The following PPP1R37 variants were observed in gnomAD, a reference collection of about 807,000 sequenced individuals.
The protein encoded by PPP1R37 is protein phosphatase 1 regulatory subunit 37, also known as leucine rich repeat containing 68.
Under a neutral mutation model 61.0 loss-of-function variants are expected in PPP1R37, and 21 were observed. That is an observed-to-expected ratio of 0.34 (90% CI 0.24 to 0.50). PPP1R37 has a LOEUF of 0.50. Among genes scored for constraint, PPP1R37 ranks in the 20% least tolerant of loss-of-function variants. PPP1R37 has a pLI of 0.98. For synonymous variants in PPP1R37, 443 were observed against 433.5 expected, an observed-to-expected ratio of 1.02 and a Z score of -0.27; for missense variants, 910 against 952.7, an observed-to-expected ratio of 0.96 and a Z score of 0.59.
In PPP1R37 at chr19:45,130,573, C is replaced by T. The variant is rs1222000474; in HGVS notation, c.203-7941C>T. On this transcript the variant is annotated intron_variant, in intron 1 of 12. Coordinates refer to ENST00000221462, the MANE Select transcript of PPP1R37 (RefSeq NM_019121.2). The surrounding 1 kb of genome is among the most constrained non-coding windows in gnomAD (Gnocchi z 4.4). ...CTGAGCCCGGTGGGGCCTCTGGGAA[C>T]ACTCCTTTCAAGGCCAGCTCACCCT... Among the ~76,000 whole-genome samples the T allele has an allele frequency of 1.3e-5, 2 of 152,184 alleles. No homozygotes were observed. Among genetic ancestry groups the T allele is most frequent in the Non-Finnish European group, 2.9e-5 (2 of 68,024 alleles).
chr19:45,143,714 A>G, intron 8 of PPP1R37, 81 bp downstream of exon 8: 1 of 778,166 alleles, frequency 1.3e-6, no homozygotes, highest in Non-Finnish European at 2.1e-6. Context: ...AGTTGCCTCT[A>G]GCTGACGGCT....
chr19:45,131,750 A>G (rs1024236102), intron 1 of PPP1R37, among the ~76,000 whole-genome samples: 3 of 152,180 alleles, frequency 2.0e-5, no homozygotes, highest in African/African-American at 7.2e-5. Flanking sequence ...GCTTATTAGC[A>G]CTATGCATTA....
At chr19:45,134,130 A>G (rs1182661944) in intron 1 of PPP1R37, among the ~76,000 whole-genome samples, 4 of 151,932 alleles carry the variant, frequency 2.6e-5, no homozygotes, top group African/African-American at 4.8e-5. Flanking sequence ...TGGACAAGTT[A>G]TCGCACCTCT....
chr19:45,128,771 A>G (rs1027374102), intron 1 of PPP1R37: 5 of 655,936 alleles, frequency 7.6e-6, no homozygotes, highest in African/African-American at 7.3e-5. Flanking sequence ...CTGGGAAGAA[A>G]TATAAAAATA....
intron 1 of PPP1R37, among the ~76,000 whole-genome samples, chr19:45,106,013 C>T (rs991725321): frequency 1.4e-4 from 22 of 152,238 alleles, no homozygotes; most frequent in African/African-American, 5.1e-4. Context: ...CAGACACCAA[C>T]AGGCGGGGCC....
intron 1 of PPP1R37, among the ~76,000 whole-genome samples, chr19:45,095,950 G>T (rs1007300237): frequency 6.6e-6 from 1 of 152,076 alleles, no homozygotes; most frequent in South Asian, 2.1e-4. Flanking sequence ...CAAGAGCAGA[G>T]GCTCCAGGTC....
At position 45,112,839 on chromosome 19, in the gene PPP1R37, C is replaced by T. The variant is rs970825812; in HGVS notation, c.202+19312C>T. The stretch of plus-strand genomic sequence containing the variant: ...GAGCAGGTGCTGGGTGAAGCAGGTG[C>T]TGGGTGAAGCAGGTACTGTTGAGCT... On this transcript the variant is annotated intron_variant, in intron 1 of 12. Coordinates refer to ENST00000221462, the MANE Select transcript of PPP1R37 (RefSeq NM_019121.2). Among the ~76,000 whole-genome samples the T allele has an allele frequency of 2.6e-5, 4 of 152,178 alleles. 1 individual carries two copies. Among genetic ancestry groups the T allele is most frequent in the Admixed American group, 2.6e-4 (4 of 15,266 alleles).
At chr19:45,097,165 G>A (rs1006917061) in intron 1 of PPP1R37, among the ~76,000 whole-genome samples, 3 of 151,932 alleles carry the variant, frequency 2.0e-5, no homozygotes, top group Non-Finnish European at 4.4e-5. Context: ...CTGGAGGACT[G>A]CAGGGAGGGG....
chr19:45,140,382 A>G, intron 3 of PPP1R37, 101 bp downstream of exon 3: 1 of 1,132,626 alleles, frequency 8.8e-7, no homozygotes. Flanking sequence ...CGGCTTCTGG[A>G]GCTGAGCTCA....
Position 45,142,130 on chromosome 19 carries a change from C to G in PPP1R37, c.637C>G (p.Arg213Gly), listed in dbSNP as rs887088712. Residue 213 changes from arginine to glycine, a missense_variant, in exon 6 of 13, where the codon CGT becomes GGT. Arg to Gly is a moderately radical substitution (Grantham distance 125, BLOSUM62 -2). This residue lies in a region of PPP1R37 where 280 missense variants were observed against 382.2 expected (regional missense o/e 0.73). Transcript: ENST00000221462. The part of the protein sequence containing the change: ...LLDHSAPFVA[R>G]ALRIRSSLAV... Reference sequence around the variant, plus strand: ...GGACCACTCGGCGCCCTTCGTGGCCCGTGCCCTGCGCATCCGCAGCAGCCT... The same window carrying G: ...GGACCACTCGGCGCCCTTCGTGGCCGGTGCCCTGCGCATCCGCAGCAGCCT... 2 of 1,535,100 alleles carry G rather than the reference C, an allele frequency of 1.3e-6. No individual in the cohort carries two copies. The highest frequency in any genetic ancestry group is 1.4e-5 in the African/African-American group (1 of 73,034).
In PPP1R37 at chr19:45,112,721, C is replaced by T. The variant is rs578246383; in HGVS notation, c.202+19194C>T. On this transcript the variant is annotated intron_variant, in intron 1 of 12. Coordinates refer to ENST00000221462, the MANE Select transcript of PPP1R37 (RefSeq NM_019121.2). ...TTGTCACTGTCTAGGGATGGGTCTG[C>T]CTTCCCGACTGGACCAGGACTCCTG... Among the ~76,000 whole-genome samples the T allele has an allele frequency of 1.3e-4, 20 of 152,324 alleles. No individual in the cohort carries two copies. In the East Asian group the frequency reaches 3.9e-3, roughly 29 times the overall value.
intron 1 of PPP1R37, chr19:45,128,817 A>T (rs1968441114): frequency 1.6e-6 from 1 of 617,292 alleles, no homozygotes; most frequent in Admixed American, 2.3e-5. Context: ...TGTCCCCAGC[A>T]TCAAAAGGAA....
chr19:45,105,434 C>T (rs184205627), intron 1 of PPP1R37, among the ~76,000 whole-genome samples: 6 of 152,188 alleles, frequency 3.9e-5, no homozygotes, highest in African/African-American at 1.2e-4. Flanking sequence ...TGTTTCCCAT[C>T]TCTCCATGTA....
chr19:45,115,794 G>A (rs865835634), intron 1 of PPP1R37, among the ~76,000 whole-genome samples: 2 of 152,242 alleles, frequency 1.3e-5, no homozygotes, highest in African/African-American at 4.8e-5. Context: ...GGCCAACATG[G>A]TGAAACCCCG....
chr19:45,100,530 G>A (rs1968049031), intron 1 of PPP1R37, among the ~76,000 whole-genome samples: 1 of 152,174 alleles, frequency 6.6e-6, no homozygotes, highest in African/African-American at 2.4e-5. Context: ...GCCCATAGAG[G>A]TAAAGTAATT....
intron 1 of PPP1R37, among the ~76,000 whole-genome samples, chr19:45,107,202 A>T (rs1290213024): frequency 6.6e-6 from 1 of 151,820 alleles, no homozygotes; most frequent in African/African-American, 2.4e-5. Flanking sequence ...CCCATTTTTA[A>T]ATTGAGCCAG....
rs567744861 is a variant in PPP1R37 at position 45,099,291 on chromosome 19, C to T, written c.202+5764C>T. Reference sequence around the variant, plus strand: ...CAGGCCTGACTCTGTCTCTGCCAAGCTGTGTGACCGTGGACAATTTGTCCA... The same window carrying T: ...CAGGCCTGACTCTGTCTCTGCCAAGTTGTGTGACCGTGGACAATTTGTCCA... On this transcript the variant is annotated intron_variant, in intron 1 of 12. Transcript: ENST00000221462. Among the ~76,000 whole-genome samples the T allele has an allele frequency of 7.4e-4, 112 of 152,354 alleles. 3 individuals are homozygous for T. In the South Asian group the frequency reaches 0.023, roughly 31 times the overall value.
chr19:45,145,692 C>G lies in PPP1R37; in HGVS notation c.1636C>G (p.Pro546Ala). 6.5e-7 allele frequency: 1 copy of G among 1,534,728 alleles called. No individual in the cohort carries two copies. Among genetic ancestry groups the G allele is most frequent in the Non-Finnish European group, 8.7e-7 (1 of 1,146,304 alleles). ...DSLGPGDRSP[P>A]GSPSTPTEQR... The stretch of plus-strand genomic sequence containing the variant: ...CCTGGGCCCTGGGGACAGGAGTCCC[C>G]CAGGCAGCCCCTCCACACCCACCGA... The change falls in exon 11 of 13, where the codon CCA becomes GCA. Residue 546 changes from proline (P) to alanine (A), a missense_variant. Pro to Ala is a conservative substitution (Grantham distance 27). Transcript: ENST00000221462.
At position 45,144,596 on chromosome 19, in the gene PPP1R37, T is replaced by C. The variant is rs13344688; in HGVS notation, c.988-258T>C. 1.5e-3 allele frequency: 711 copies of C among 488,932 alleles called. 1 individual carries two copies. The highest frequency in any genetic ancestry group is 0.013 in the African/African-American group (645 of 49,776). 30.3% of individuals were successfully genotyped at this position (488,932 alleles called of 1,614,324 possible). On this transcript the variant is annotated intron_variant, in intron 8 of 12. Coordinates refer to ENST00000221462, the MANE Select transcript of PPP1R37 (RefSeq NM_019121.2). ...CCAGGCCCTGGCCAGGGGCCCAGGC[T>C]GTGGGGGGTAGGGACTGACTGGGTG...
Sources: allele counts gnomAD v4.1 joint callset (sites outside exome capture counted in the v4.1 genomes callset), GRCh38; gene constraint gnomAD v4.1.1; regional missense constraint gnomAD v4.1.1; non-coding constraint Gnocchi (gnomAD v3.1); transcripts MANE v1.5; gene names NCBI Gene and HGNC (gene_info 2026-07-23, HGNC 2026-07-21).